GFRA1: variants seen among roughly 807,000 people sequenced by gnomAD.
GFRA1 encodes GDNF family receptor alpha 1.
In GFRA1, 16 loss-of-function variants were observed where a neutral mutation model predicts 51.6. The observed-to-expected ratio is 0.31, with a 90% confidence interval of 0.21 to 0.47. GFRA1 has a LOEUF of 0.47. Ranked by LOEUF, GFRA1 falls within the 20% of genes least tolerant of loss-of-function variation. The pLI is 1.00. For synonymous variants in GFRA1, 270 were observed against 241.3 expected (o/e 1.12, Z -1.10); for missense variants, 530 against 594.3 (o/e 0.89, Z 1.13).
chr10:116,064,560 G>A lies in GFRA1; in HGVS notation c.1252-16C>T, dbSNP rs1213310262. 5 of 1,606,796 alleles carry A rather than the reference G, an allele frequency of 3.1e-6. No homozygotes were observed. The highest frequency in any genetic ancestry group is 4.3e-6 in the Non-Finnish European group (5 of 1,174,038). ...CATAATTACCCTGTAAGGAAGAATG[G>A]TTTCATTATCATCCACTGCATGTCT... On this transcript the variant is annotated splice_polypyrimidine_tract_variant and intron_variant, in intron 10 of 10. Transcript: ENST00000355422.
At chr10:116,259,175 C>T (rs1969114607) in intron 4 of GFRA1, among the ~76,000 whole-genome samples, 1 of 152,154 alleles carries the variant, frequency 6.6e-6, no homozygotes, top group Non-Finnish European at 1.5e-5. Context: ...GTACACAAAA[C>T]GATCATGTGC....
intron 4 of GFRA1, among the ~76,000 whole-genome samples, chr10:116,222,107 T>C (rs891154939): frequency 4.6e-5 from 7 of 152,066 alleles, no homozygotes; most frequent in African/African-American, 1.2e-4. Flanking sequence ...TGAGAGGCGG[T>C]AGAAGGGGAA....
In GFRA1 at chr10:116,205,730, G is replaced by A. The variant is rs371496184; in HGVS notation, c.433+5901C>T. ...AAGGAATTTTGAAAGACAAGTTAGCGGTGGGAGACCCTTTAAAACCTCACC... is the reference window on the plus strand; with the variant it reads ...AAGGAATTTTGAAAGACAAGTTAGCAGTGGGAGACCCTTTAAAACCTCACC... On this transcript the variant is annotated intron_variant, in intron 5 of 10. Coordinates refer to ENST00000355422, the MANE Select transcript of GFRA1 (RefSeq NM_005264.8). Among the ~76,000 whole-genome samples the A allele has an allele frequency of 2.4e-4, 36 of 151,612 alleles. No individual in the cohort carries two copies. In the East Asian group the frequency reaches 5.6e-3, roughly 24 times the overall value.
chr10:116,160,043 CAT>C (rs1367434586), intron 5 of GFRA1, among the ~76,000 whole-genome samples: 3 of 152,210 alleles, frequency 2.0e-5, no homozygotes, highest in Non-Finnish European at 2.9e-5. Context: ...TCCTGGCCAA[CAT>C]ATAAAACTGC....
At chr10:116,243,482 A>T (rs1030058010) in intron 4 of GFRA1, among the ~76,000 whole-genome samples, 1 of 140,292 alleles carries the variant, frequency 7.1e-6, no homozygotes, top group Non-Finnish European at 1.6e-5. Context: ...ATCTTCCCCC[A>T]ACCCTGCCCC....
chr10:116,100,877 G>A (rs1375353235), intron 6 of GFRA1, among the ~76,000 whole-genome samples: 1 of 152,194 alleles, frequency 6.6e-6, no homozygotes, highest in Non-Finnish European at 1.5e-5. Context: ...TCAATAGAAT[G>A]AAAGTCAAAA....
chr10:116,152,617 G>A (rs1959107801), intron 5 of GFRA1, among the ~76,000 whole-genome samples: 1 of 152,178 alleles, frequency 6.6e-6, no homozygotes, highest in African/African-American at 2.4e-5. Context: ...CCTCCCACCA[G>A]GCCCCACCTC....
intron 5 of GFRA1, among the ~76,000 whole-genome samples, chr10:116,162,745 T>TA (rs1322090581): frequency 1.3e-5 from 2 of 152,092 alleles, no homozygotes; most frequent in African/African-American, 4.8e-5. Context: ...TGAATATACT[T>TA]AAAAAACACT....
intron 4 of GFRA1, among the ~76,000 whole-genome samples, chr10:116,230,903 G>T (rs1966638647): frequency 6.6e-6 from 1 of 152,180 alleles, no homozygotes; most frequent in Admixed American, 6.5e-5. Context: ...GCTGTGGAAA[G>T]ACAGAACATC....
intron 6 of GFRA1, among the ~76,000 whole-genome samples, chr10:116,117,422 A>G (rs1322957420): frequency 6.6e-6 from 1 of 151,790 alleles, no homozygotes; most frequent in Non-Finnish European, 1.5e-5. Context: ...CCTGCCAGAG[A>G]CTGCCACACC....
rs1303209142 is a variant in GFRA1 at position 116,062,891 on chromosome 10, G to A, written c.*1507C>T. 1 of 152,208 alleles carries A rather than the reference G, an allele frequency of 6.6e-6. No individual in the cohort carries two copies. The highest frequency in any genetic ancestry group is 1.5e-5 in the Non-Finnish European group (1 of 68,054). The allele number at this position is 152,208 out of a possible 1,614,324, so 9.4% of individuals were successfully genotyped here. On this transcript the variant is annotated 3_prime_UTR_variant, in exon 11 of 11. Coordinates refer to ENST00000355422, the MANE Select transcript of GFRA1 (RefSeq NM_005264.8). ...CCAGGGTCCTGTTCTGCTGATCTGT[G>A]CCAAGCAACTCATCTCACCAAACCT...
At chr10:116,271,921 G>T in intron 2 of GFRA1, 69 bp downstream of exon 2, 1 of 1,243,790 alleles carries the variant, frequency 8.0e-7, no homozygotes, top group Non-Finnish European at 1.2e-6. Context: ...GGAGGGCGGG[G>T]TGGGCTGCTG....
chr10:116,259,235 A>G (rs951349896), intron 4 of GFRA1, among the ~76,000 whole-genome samples: 1 of 152,188 alleles, frequency 6.6e-6, no homozygotes, highest in Admixed American at 6.5e-5. Flanking sequence ...CACAGTTCAC[A>G]GGGACCTAGA....
chr10:116,099,586 TCTC>T (rs143277880), intron 6 of GFRA1, among the ~76,000 whole-genome samples: 242 of 152,200 alleles, frequency 1.6e-3, no homozygotes, highest in African/African-American at 5.5e-3. Context: ...AACATCTCCT[TCTC>T]CTACCATCAC....
intron 4 of GFRA1, among the ~76,000 whole-genome samples, chr10:116,239,348 G>A (rs567148672): frequency 1.2e-4 from 18 of 152,246 alleles, no homozygotes; most frequent in Non-Finnish European, 2.6e-4. Flanking sequence ...TATATCAGAA[G>A]TAAAAATCTT....
intron 4 of GFRA1, among the ~76,000 whole-genome samples, chr10:116,245,041 A>G (rs1281468739): frequency 6.6e-6 from 1 of 152,218 alleles, no homozygotes; most frequent in Non-Finnish European, 1.5e-5. Context: ...GCCAGCTGGC[A>G]GTTGAATAAT....
At chr10:116,237,744 A>G (rs1412421231) in intron 4 of GFRA1, among the ~76,000 whole-genome samples, 1 of 152,152 alleles carries the variant, frequency 6.6e-6, no homozygotes, top group African/African-American at 2.4e-5. Flanking sequence ...CCTGGGTCCT[A>G]CTGATTCTCC....
intron 6 of GFRA1, among the ~76,000 whole-genome samples, chr10:116,105,081 G>A (rs528804640): frequency 6.0e-4 from 92 of 152,272 alleles, no homozygotes; most frequent in African/African-American, 2.1e-3. Context: ...AGAAAACCTA[G>A]CTTTAGCTTT....
In GFRA1 at chr10:116,063,838, A is replaced by G. The variant is rs1353136583; in HGVS notation, c.*560T>C. On this transcript the variant is annotated 3_prime_UTR_variant, in exon 11 of 11. Coordinates refer to ENST00000355422, the MANE Select transcript of GFRA1 (RefSeq NM_005264.8). ...CAGCGTGGAAAATGCTAGTACATAT[A>G]TAAAGGTGAACATCAGTACCAGCTG... The G allele has an allele frequency of 6.1e-6, 1 of 163,168 alleles. No homozygotes were observed. Among genetic ancestry groups the G allele is most frequent in the Non-Finnish European group, 1.3e-5 (1 of 74,650 alleles). 10.1% of individuals were successfully genotyped at this position (163,168 alleles called of 1,614,324 possible). A position where few individuals can be genotyped will look rare whatever the true frequency, so the allele number is the denominator to read the frequency against.
Sources: gnomAD v4.1 joint callset for allele counts (sites outside exome capture counted in the v4.1 genomes callset) on GRCh38, gnomAD v4.1.1 for gene constraint, MANE v1.5 for transcripts, NCBI Gene and HGNC (gene_info 2026-07-23, HGNC 2026-07-21) for gene names.